The following YEATS2 variants were observed in gnomAD, a reference collection of about 807,000 sequenced individuals.
The protein encoded by YEATS2 is YEATS domain containing 2, also known as YEATS domain-containing protein 2.
Under a neutral mutation model 163.2 loss-of-function variants are expected in YEATS2, and 77 were observed. That is an observed-to-expected ratio of 0.47 (90% CI 0.39 to 0.57). The LOEUF is 0.57. YEATS2 is among the 20% of genes least tolerant of loss of function. YEATS2 has a pLI of 0.00. For missense variants in YEATS2, 1,549 were observed against 1,729.8 expected, an observed-to-expected ratio of 0.90 and a Z score of 1.85; for synonymous variants, 631 against 645.1, an observed-to-expected ratio of 0.98 and a Z score of 0.33.
rs1159619739 is a variant in YEATS2 at position 183,781,332 on chromosome 3, T to TAG, written c.2736+3632_2736+3633insAG. 3.9e-5 allele frequency among the ~76,000 whole-genome samples: 6 copies of TAG among 152,272 alleles called. No individual in the cohort carries two copies. In the East Asian group the frequency reaches 1.2e-3, roughly 29 times the overall value. On this transcript the variant is annotated intron_variant, in intron 19 of 30. Transcript: ENST00000305135. The stretch of plus-strand genomic sequence containing the variant: ...AAGGCCTGAGAACCAGGAGCTCTGA[T>TAG]GTCTAAGGGTAGGAGAAGATTGATG...
chr3:183,793,888 C>T (rs1233908931), intron 21 of YEATS2, among the ~76,000 whole-genome samples: 1 of 152,174 alleles, frequency 6.6e-6, no homozygotes, highest in African/African-American at 2.4e-5. Flanking sequence ...GCTAGGATTA[C>T]AGGCGTGAGC....
At chr3:183,780,823 CATT>C (rs1020970608) in intron 19 of YEATS2, among the ~76,000 whole-genome samples, 8 of 152,096 alleles carry the variant, frequency 5.3e-5, no homozygotes, top group African/African-American at 1.7e-4. Context: ...AATTCTGTAT[CATT>C]GAGACACAGA....
intron 30 of YEATS2, 106 bp from the exon 31 acceptor site, chr3:183,810,369 C>A: frequency 9.8e-7 from 1 of 1,020,732 alleles, no homozygotes; most frequent in Non-Finnish European, 1.5e-6. Context: ...GAGCCCTCTC[C>A]ACGGGGCCTC....
chr3:183,748,609 C>G (rs1719821428), intron 9 of YEATS2, among the ~76,000 whole-genome samples: 1 of 151,506 alleles, frequency 6.6e-6, no homozygotes, highest in African/African-American at 2.4e-5. Flanking sequence ...TTTCTCTTCT[C>G]TTTTTTTAAT....
At chr3:183,725,628 A>G (rs1168962889) in intron 6 of YEATS2, among the ~76,000 whole-genome samples, 1 of 152,234 alleles carries the variant, frequency 6.6e-6, no homozygotes, top group Non-Finnish European at 1.5e-5. Context: ...AGACTGATTT[A>G]TTATCACGAG....
intron 19 of YEATS2, among the ~76,000 whole-genome samples, chr3:183,783,123 TTC>T (rs1723737059): frequency 6.6e-6 from 1 of 152,256 alleles, no homozygotes; most frequent in Admixed American, 6.5e-5. Context: ...TCATAACTTT[TTC>T]AGATAGTGCT....
rs567407802 is a variant in YEATS2 at position 183,809,542 on chromosome 3, A to G, written c.4160+372A>G. 92 of 160,766 alleles carry G rather than the reference A, an allele frequency of 5.7e-4. 1 individual carries two copies. The highest frequency in any genetic ancestry group is 4.0e-3 in the South Asian group (21 of 5,308). The allele number at this position is 160,766 out of a possible 1,614,324, so 10.0% of individuals were successfully genotyped here. On this transcript the variant is annotated intron_variant, in intron 30 of 30. Transcript: ENST00000305135. ...CTAATTTGTTTTTCATTGCAGAACT[A>G]TTATTCTCTTTTTAAAAATCAGGAA...
intron 21 of YEATS2, 88 bp downstream of exon 21, chr3:183,791,068 C>G: frequency 6.6e-7 from 1 of 1,521,828 alleles, no homozygotes; most frequent in African/African-American, 1.4e-5. Context: ...GCGTCTCACT[C>G]TGTCGCCCAA....
chr3:183,718,075 T>G (rs191012366), intron 3 of YEATS2, among the ~76,000 whole-genome samples: 28 of 152,320 alleles, frequency 1.8e-4, no homozygotes, highest in African/African-American at 3.4e-4. Context: ...GTTTGTAACA[T>G]AGAGAAAGGA....
intron 5 of YEATS2, 55 bp downstream of exon 5, chr3:183,722,191 C>T: frequency 6.4e-7 from 1 of 1,550,706 alleles, no homozygotes; most frequent in Non-Finnish European, 8.7e-7. Flanking sequence ...ACTATATTTA[C>T]TAAAGTATGC....
intron 8 of YEATS2, among the ~76,000 whole-genome samples, chr3:183,741,934 C>T (rs193105458): frequency 7.3e-4 from 111 of 151,838 alleles, no homozygotes; most frequent in African/African-American, 2.5e-3. Context: ...TGTGGCCAGG[C>T]ACAGTGGCTC....
At chr3:183,726,958 C>T (rs780206118) in intron 6 of YEATS2, among the ~76,000 whole-genome samples, 28 of 152,104 alleles carry the variant, frequency 1.8e-4, no homozygotes, top group Non-Finnish European at 7.4e-5. Flanking sequence ...TGCACCGCCA[C>T]ACCTGGATAA....
At chr3:183,791,034 A>G (rs1577201082) in intron 21 of YEATS2, 54 bp downstream of exon 21, 1 of 1,583,628 alleles carries the variant, frequency 6.3e-7, no homozygotes. Flanking sequence ...GGGCTGGAAT[A>G]TTTTTGTTTG....
At chr3:183,794,286 C>T (rs939770050) in intron 21 of YEATS2, among the ~76,000 whole-genome samples, 1 of 152,096 alleles carries the variant, frequency 6.6e-6, no homozygotes, top group African/African-American at 2.4e-5. Context: ...TCTGGCCAGA[C>T]AAGGATTTTT....
chr3:183,798,876 C>CT lies in YEATS2; in HGVS notation c.3227-9dup. 6.3e-7 allele frequency: 1 copy of CT among 1,598,848 alleles called. No individual in the cohort carries two copies. Among genetic ancestry groups the CT allele is most frequent in the Non-Finnish European group, 8.6e-7 (1 of 1,166,182 alleles). On this transcript the variant is annotated splice_polypyrimidine_tract_variant and intron_variant, in intron 22 of 30. Coordinates refer to ENST00000305135, the MANE Select transcript of YEATS2 (RefSeq NM_018023.5). ...TTTGTATTTGTTATATCCCTCCCTCCTTTTTTCCCTTTAGTGGTTCAGTCA... is the reference window on the plus strand; with the variant it reads ...TTTGTATTTGTTATATCCCTCCCTCCTTTTTTTCCCTTTAGTGGTTCAGTCA...
chr3:183,750,543 C>A (rs1185609470), intron 9 of YEATS2, among the ~76,000 whole-genome samples: 2 of 152,208 alleles, frequency 1.3e-5, no homozygotes, highest in East Asian at 3.8e-4. Flanking sequence ...TTCCCACCAA[C>A]AGTGCACACG....
intron 29 of YEATS2, 22 bp from the exon 30 acceptor site, chr3:183,809,075 A>G (rs1164721292): frequency 6.2e-7 from 1 of 1,613,744 alleles, no homozygotes; most frequent in Non-Finnish European, 8.5e-7. Flanking sequence ...CATTTGAAGA[A>G]TAACAGCATC....
intron 15 of YEATS2, 53 bp from the exon 16 acceptor site, chr3:183,772,252 T>C: frequency 6.2e-7 from 1 of 1,604,456 alleles, no homozygotes; most frequent in Non-Finnish European, 8.5e-7. Context: ...AAACGGTGAC[T>C]GCTGTTCTAA....
intron 7 of YEATS2, among the ~76,000 whole-genome samples, chr3:183,733,058 T>C (rs1717973107): frequency 1.3e-5 from 2 of 151,584 alleles, no homozygotes; most frequent in African/African-American, 4.8e-5. Context: ...CTCGAACTCC[T>C]GGCCTCAAGC....
Sources: allele counts gnomAD v4.1 joint callset (sites outside exome capture counted in the v4.1 genomes callset), GRCh38; gene constraint gnomAD v4.1.1; transcripts MANE v1.5; gene names NCBI Gene and HGNC (gene_info 2026-07-23, HGNC 2026-07-21).